WWOX: variants seen among roughly 807,000 people sequenced by gnomAD.
WWOX encodes the protein WW domain containing oxidoreductase, also known as WW domain-containing oxidoreductase.
In WWOX, 69 loss-of-function variants were observed where a neutral mutation model predicts 46.2. That is an observed-to-expected ratio of 1.49 (90% CI 1.23 to 1.82). The LOEUF is 1.82. Among genes scored for constraint, WWOX ranks in the 40% most tolerant of loss-of-function variants. WWOX has a pLI of 0.00. For missense variants in WWOX, 919 were observed against 542.6 expected, an observed-to-expected ratio of 1.69 and a Z score of -6.89; for synonymous variants, 359 against 202.6, an observed-to-expected ratio of 1.77 and a Z score of -6.56.
intron 8 of WWOX, among the ~76,000 whole-genome samples, chr16:78,453,575 G>C (rs756899138): frequency 2.0e-5 from 3 of 152,150 alleles, no homozygotes; most frequent in Non-Finnish European, 2.9e-5. Flanking sequence ...GGCATATGCA[G>C]TTAGAAAATC....
At chr16:78,604,211 C>T (rs1036222785) in intron 8 of WWOX, among the ~76,000 whole-genome samples, 5 of 152,018 alleles carry the variant, frequency 3.3e-5, no homozygotes, top group African/African-American at 1.2e-4. Flanking sequence ...TGGATGGGCC[C>T]AAAATACTTT....
At chr16:79,028,734 C>G (rs995003322) in intron 8 of WWOX, among the ~76,000 whole-genome samples, 3 of 151,784 alleles carry the variant, frequency 2.0e-5, no homozygotes, top group African/African-American at 7.3e-5. Context: ...CTTCTTTCCA[C>G]AAGAGTAGGT....
chr16:78,603,882 C>G (rs914811955), intron 8 of WWOX, among the ~76,000 whole-genome samples: 1 of 152,134 alleles, frequency 6.6e-6, no homozygotes, highest in African/African-American at 2.4e-5. Flanking sequence ...TGGCTCACAC[C>G]TGTAATCCCA....
At chr16:78,162,280 T>A (rs2034819649) in intron 4 of WWOX, among the ~76,000 whole-genome samples, 1 of 152,232 alleles carries the variant, frequency 6.6e-6, no homozygotes, top group Non-Finnish European at 1.5e-5. Context: ...ATCATTTTCC[T>A]GAGAGGTATA....
At chr16:79,144,808 A>G (rs1314325908) in intron 8 of WWOX, among the ~76,000 whole-genome samples, 1 of 150,778 alleles carries the variant, frequency 6.6e-6, no homozygotes, top group African/African-American at 2.4e-5. Flanking sequence ...TGATATTTTG[A>G]GAGAGAGAGA....
chr16:78,367,524 C>T (rs72796007), intron 5 of WWOX, among the ~76,000 whole-genome samples: 2 of 151,992 alleles, frequency 1.3e-5, no homozygotes, highest in Admixed American at 6.6e-5. Context: ...AGATTGGACA[C>T]CCTGGGAATA....
chr16:78,381,212 A>C lies in WWOX; in HGVS notation c.517-5648A>C, dbSNP rs374735170. Among the ~76,000 whole-genome samples, 6 of 152,246 alleles carry C rather than the reference A, an allele frequency of 3.9e-5. No individual in the cohort carries two copies. In the East Asian group the frequency reaches 1.2e-3, roughly 29 times the overall value. On this transcript the variant is annotated intron_variant, in intron 5 of 8. Transcript: ENST00000566780. ...TCAGGCAGTATCGCATCAGAGTCACATATGGCTAATTTATAGTCATAAAAT... is the reference window on the plus strand; with the variant it reads ...TCAGGCAGTATCGCATCAGAGTCACCTATGGCTAATTTATAGTCATAAAAT...
At chr16:78,473,156 G>A (rs1212281108) in intron 8 of WWOX, among the ~76,000 whole-genome samples, 1 of 152,208 alleles carries the variant, frequency 6.6e-6, no homozygotes, top group African/African-American at 2.4e-5. Context: ...TTGAGACCGA[G>A]TCTCACTCTG....
At chr16:78,839,997 T>G (rs1427543813) in intron 8 of WWOX, among the ~76,000 whole-genome samples, 3 of 152,216 alleles carry the variant, frequency 2.0e-5, no homozygotes, top group Non-Finnish European at 4.4e-5. Flanking sequence ...CCATTCCCTT[T>G]TCTGAGCCAC....
chr16:78,753,684 C>T (rs2049544841), intron 8 of WWOX, among the ~76,000 whole-genome samples: 1 of 150,526 alleles, frequency 6.6e-6, no homozygotes, highest in South Asian at 2.1e-4. Flanking sequence ...TACCTGTAGT[C>T]CCAGGTACTC....
At chr16:78,624,621 C>A (rs2046268497) in intron 8 of WWOX, among the ~76,000 whole-genome samples, 1 of 152,128 alleles carries the variant, frequency 6.6e-6, no homozygotes, top group South Asian at 2.1e-4. Flanking sequence ...GAAAATCACT[C>A]ATTTCTATGG....
chr16:78,645,740 C>A (rs1389384196), intron 8 of WWOX, among the ~76,000 whole-genome samples: 1 of 152,126 alleles, frequency 6.6e-6, no homozygotes, highest in Non-Finnish European at 1.5e-5. Context: ...GCCACGGCCT[C>A]CAACATTGGA....
At chr16:78,513,745 A>G (rs1171883552) in intron 8 of WWOX, among the ~76,000 whole-genome samples, 1 of 152,172 alleles carries the variant, frequency 6.6e-6, no homozygotes, top group Non-Finnish European at 1.5e-5. Flanking sequence ...TGTCTCATAT[A>G]CCCCTCTAAG....
chr16:78,761,280 A>G (rs1481411694), intron 8 of WWOX, among the ~76,000 whole-genome samples: 2 of 152,198 alleles, frequency 1.3e-5, no homozygotes, highest in Admixed American at 1.3e-4. Flanking sequence ...ACGGCCTCCA[A>G]GAAGTCGGAT....
intron 8 of WWOX, among the ~76,000 whole-genome samples, chr16:79,176,108 C>A (rs1253591514): frequency 6.6e-6 from 1 of 152,184 alleles, no homozygotes; most frequent in African/African-American, 2.4e-5. Flanking sequence ...TGTTTGCACA[C>A]CTGTGTTGCA....
At chr16:78,693,764 G>A (rs1034303160) in intron 8 of WWOX, among the ~76,000 whole-genome samples, 2 of 152,094 alleles carry the variant, frequency 1.3e-5, no homozygotes, top group Non-Finnish European at 2.9e-5. Context: ...CTAAACATGC[G>A]CAGCCCCAAG....
chr16:79,160,485 C>T (rs1420242701), intron 8 of WWOX, among the ~76,000 whole-genome samples: 1 of 152,108 alleles, frequency 6.6e-6, no homozygotes, highest in Non-Finnish European at 1.5e-5. Flanking sequence ...TCAATAAGAG[C>T]CGATCATAGG....
intron 5 of WWOX, among the ~76,000 whole-genome samples, chr16:78,236,430 GACA>G (rs1252307846): frequency 6.6e-6 from 1 of 152,170 alleles, no homozygotes; most frequent in African/African-American, 2.4e-5. Flanking sequence ...TTTTTTGACA[GACA>G]CATTAAGAGC....
At chr16:78,597,084 C>T (rs889181794) in intron 8 of WWOX, among the ~76,000 whole-genome samples, 6 of 152,182 alleles carry the variant, frequency 3.9e-5, no homozygotes, top group Non-Finnish European at 7.3e-5. Flanking sequence ...CAGGTGCTTA[C>T]GACCTGGGTG....
Sources: allele counts gnomAD v4.1 joint callset (sites outside exome capture counted in the v4.1 genomes callset), GRCh38; gene constraint gnomAD v4.1.1; transcripts MANE v1.5; gene names NCBI Gene and HGNC (gene_info 2026-07-23, HGNC 2026-07-21).